The following ENOX1 variants were observed in gnomAD, a reference collection of about 807,000 sequenced individuals.
The protein encoded by ENOX1 is ecto-NOX disulfide-thiol exchanger 1, also known as candidate growth-related and time keeping constitutive hydroquinone (NADH) oxidase.
ENOX1 carries 42 observed loss-of-function variants against 82.5 expected under a neutral mutation model. That is an observed-to-expected ratio of 0.51 (90% CI 0.40 to 0.66). The LOEUF is 0.66. Ranked by LOEUF, ENOX1 falls within the 30% of genes least tolerant of loss-of-function variation. ENOX1 has a pLI of 0.00. For synonymous variants in ENOX1, 271 were observed against 282.2 expected (o/e 0.96, Z 0.40); for missense variants, 608 against 811.6 (o/e 0.75, Z 3.05).
chr13:43,619,743 TA>T (rs2153745211), intron 2 of ENOX1, among the ~76,000 whole-genome samples: 1 of 152,260 alleles, frequency 6.6e-6, no homozygotes, highest in South Asian at 2.1e-4. Flanking sequence ...TTGGTTTTGG[TA>T]TTAGGGTGAT....
chr13:43,458,079 T>A (rs561930404), intron 3 of ENOX1, among the ~76,000 whole-genome samples: 2 of 152,320 alleles, frequency 1.3e-5, no homozygotes, highest in African/African-American at 4.8e-5. Context: ...TAGTCCTCTA[T>A]CCTCTGTCAT....
intron 11 of ENOX1, among the ~76,000 whole-genome samples, chr13:43,303,337 C>T (rs1199939410): frequency 2.0e-5 from 3 of 152,228 alleles, no homozygotes; most frequent in Non-Finnish European, 4.4e-5. Flanking sequence ...GGGACTCTCT[C>T]CAGCTTCTAT....
intron 2 of ENOX1, chr13:43,544,286 C>T (rs908601996): frequency 7.9e-5 from 12 of 152,158 alleles, no homozygotes; most frequent in African/African-American, 2.9e-4. Flanking sequence ...GTTTCTTGGG[C>T]TGTAAATTAA....
chr13:43,739,464 G>A (rs2089793021), intron 1 of ENOX1, among the ~76,000 whole-genome samples: 1 of 151,946 alleles, frequency 6.6e-6, no homozygotes, highest in Non-Finnish European at 1.5e-5. Context: ...TGGGAAAATC[G>A]CCTGAGCTCA....
intron 2 of ENOX1, among the ~76,000 whole-genome samples, chr13:43,581,701 C>T (rs1217717965): frequency 6.6e-6 from 1 of 152,194 alleles, no homozygotes; most frequent in Non-Finnish European, 1.5e-5. Context: ...CTGGAAGACT[C>T]TGTTGGCCTT....
intron 16 of ENOX1, 66 bp downstream of exon 16, chr13:43,223,987 A>C: frequency 8.3e-7 from 1 of 1,201,612 alleles, no homozygotes; most frequent in African/African-American, 1.5e-5. Flanking sequence ...TGCAGAGTCC[A>C]CCTGCAGGCA....
At chr13:43,680,022 G>A (rs747295297) in intron 1 of ENOX1, among the ~76,000 whole-genome samples, 6 of 152,148 alleles carry the variant, frequency 3.9e-5, no homozygotes, top group African/African-American at 7.2e-5. Flanking sequence ...CTGCATTCAG[G>A]CAAATACAAC....
chr13:43,769,593 A>G (rs1951473833), intron 1 of ENOX1, among the ~76,000 whole-genome samples: 1 of 152,212 alleles, frequency 6.6e-6, no homozygotes, highest in African/African-American at 2.4e-5. Context: ...CTGCAGAGCA[A>G]GCATGTATTG....
chr13:43,615,071 C>T (rs551852532), intron 2 of ENOX1, among the ~76,000 whole-genome samples: 85 of 152,110 alleles, frequency 5.6e-4, no homozygotes, highest in African/African-American at 2.0e-3. Context: ...ATGTACAGGG[C>T]TATTTACAGA....
Position 43,214,268 on chromosome 13 carries a change from T to C in ENOX1, c.1801-147A>G, listed in dbSNP as rs1242383822. ...GGGGGATGTCCTTATAGAAGGAACA[T>C]TCAGAAGTACTGAATGTGATTATCC... On this transcript the variant is annotated intron_variant, in intron 16 of 16. Coordinates refer to ENST00000690772, the MANE Select transcript of ENOX1 (RefSeq NM_001347969.2). 9 of 826,510 alleles carry C rather than the reference T, an allele frequency of 1.1e-5. No individual in the cohort carries two copies. In the African/African-American group the frequency reaches 1.2e-4, roughly 11 times the overall value. The allele number at this position is 826,510 out of a possible 1,614,324, so 51.2% of individuals were successfully genotyped here.
intron 14 of ENOX1, among the ~76,000 whole-genome samples, chr13:43,239,790 AT>A (rs1304503373): frequency 6.6e-6 from 1 of 152,228 alleles, no homozygotes; most frequent in African/African-American, 2.4e-5. Context: ...CAGGATAGTG[AT>A]TTTAGACAGC....
intron 1 of ENOX1, among the ~76,000 whole-genome samples, chr13:43,728,641 T>TA (rs1299711392): frequency 2.6e-5 from 4 of 151,982 alleles, no homozygotes; most frequent in Non-Finnish European, 4.4e-5. Context: ...CTGCTGTGTC[T>TA]AAAAAAAACA....
intron 1 of ENOX1, among the ~76,000 whole-genome samples, chr13:43,703,545 C>A (rs2087043472): frequency 1.3e-5 from 2 of 152,140 alleles, no homozygotes; most frequent in African/African-American, 4.8e-5. Context: ...CTTCAGAAGT[C>A]CTATTCATAG....
intron 2 of ENOX1, among the ~76,000 whole-genome samples, chr13:43,498,981 C>T (rs1209211254): frequency 6.6e-6 from 1 of 152,114 alleles, no homozygotes; most frequent in Non-Finnish European, 1.5e-5. Flanking sequence ...AATCAAGGTT[C>T]ACACATCACC....
chr13:43,607,306 G>A (rs1299511322), intron 2 of ENOX1, among the ~76,000 whole-genome samples: 2 of 151,902 alleles, frequency 1.3e-5, no homozygotes, highest in African/African-American at 4.8e-5. Flanking sequence ...TGCATACAGA[G>A]TTTGTGCTTA....
chr13:43,446,815 C>A (rs2056673783), intron 3 of ENOX1, among the ~76,000 whole-genome samples: 1 of 152,214 alleles, frequency 6.6e-6, no homozygotes. Flanking sequence ...TCCACAGTCT[C>A]CATGCCCATC....
At chr13:43,668,895 C>T in intron 1 of ENOX1, among the ~76,000 whole-genome samples, 1 of 152,152 alleles carries the variant, frequency 6.6e-6, no homozygotes, top group Non-Finnish European at 1.5e-5. Context: ...AGCAAGGAGC[C>T]AACTACCTTA....
At chr13:43,587,274 A>G (rs959986788) in intron 2 of ENOX1, among the ~76,000 whole-genome samples, 3 of 152,182 alleles carry the variant, frequency 2.0e-5, no homozygotes, top group Admixed American at 1.3e-4. Flanking sequence ...ACTTTCTTTC[A>G]ATTTTCAGCA....
intron 13 of ENOX1, among the ~76,000 whole-genome samples, chr13:43,266,288 G>T (rs1288803728): frequency 6.6e-6 from 1 of 152,084 alleles, no homozygotes; most frequent in Non-Finnish European, 1.5e-5. Context: ...AGTATTCATG[G>T]TAGGAAAAAA....
Sources: gnomAD v4.1 joint callset for allele counts (sites outside exome capture counted in the v4.1 genomes callset) on GRCh38, gnomAD v4.1.1 for gene constraint, MANE v1.5 for transcripts, NCBI Gene and HGNC (gene_info 2026-07-23, HGNC 2026-07-21) for gene names.